The following NT5C2 variants were observed in gnomAD, a reference collection of about 807,000 sequenced individuals.
NT5C2 encodes cytosolic purine 5'-nucleotidase.
Under a neutral mutation model 76.1 loss-of-function variants are expected in NT5C2, and 58 were observed. The ratio of observed to expected loss-of-function variants is 0.76; its 90% CI spans 0.62 to 0.95. The LOEUF (loss-of-function observed/expected upper bound fraction) is 0.95. Among genes scored for constraint, NT5C2 ranks in the 40% least tolerant of loss-of-function variants. The pLI, the probability that NT5C2 is intolerant of heterozygous loss-of-function variation, is 0.00. For missense variants in NT5C2, 478 were observed against 690.3 expected, an observed-to-expected ratio of 0.69 and a Z score of 3.45; for synonymous variants, 229 against 237.4, an observed-to-expected ratio of 0.96 and a Z score of 0.32.
intron 6 of NT5C2, 71 bp downstream of exon 6, chr10:103,105,635 G>A: frequency 3.1e-6 from 3 of 976,640 alleles, no homozygotes; most frequent in Admixed American, 2.0e-5. Context: ...TATTACATCT[G>A]GGGAGATGAT....
At chr10:103,110,284 C>T (rs1240863290) in intron 4 of NT5C2, among the ~76,000 whole-genome samples, 1 of 152,072 alleles carries the variant, frequency 6.6e-6, no homozygotes, top group Non-Finnish European at 1.5e-5. Context: ...GGCGAAACCC[C>T]GTCTCTACTA....
In NT5C2 at chr10:103,139,481, T is replaced by C; in HGVS notation, c.102-2A>G. ...GCTAAACTTCGGTTCACAAACACCCTATAGAAAATAATAAAAAATAATATC... is the reference window on the plus strand; with the variant it reads ...GCTAAACTTCGGTTCACAAACACCCCATAGAAAATAATAAAAAATAATATC... On this transcript the variant is annotated splice_acceptor_variant, in intron 3 of 18. Transcript: ENST00000404739. LOFTEE classifies it high-confidence loss of function. 1 of 1,548,502 alleles carries C rather than the reference T, an allele frequency of 6.5e-7. No individual in the cohort carries two copies. The highest frequency in any genetic ancestry group is 8.8e-7 in the Non-Finnish European group (1 of 1,140,754).
chr10:103,094,112 A>ACCCC, intron 13 of NT5C2, 74 bp from the exon 14 acceptor site: 1 of 710,892 alleles, frequency 1.4e-6, no homozygotes, highest in Non-Finnish European at 2.0e-6. Context: ...CAACCCTCCC[A>ACCCC]TCCCACCCCC....
At chr10:103,153,797 G>T in intron 3 of NT5C2, 3 of 970,298 alleles carry the variant, frequency 3.1e-6, no homozygotes, top group Non-Finnish European at 3.7e-6. Flanking sequence ...AATTATTAGT[G>T]TAGTTATTTC....
intron 3 of NT5C2, among the ~76,000 whole-genome samples, chr10:103,152,494 A>G (rs2082576725): frequency 6.6e-6 from 1 of 152,186 alleles, no homozygotes; most frequent in Admixed American, 6.5e-5. Flanking sequence ...CTCTGGAACC[A>G]CTTCAAATTT....
chr10:103,151,492 G>A (rs1028702115), intron 3 of NT5C2, among the ~76,000 whole-genome samples: 2 of 149,472 alleles, frequency 1.3e-5, no homozygotes, highest in South Asian at 2.1e-4. Flanking sequence ...CTAGCCTCTC[G>A]CCATTGAATT....
rs770636501 is a variant in NT5C2, at chr10:103,174,965, T to G, written c.-7A>C. ...CACTCCAGGAGGTTGACATTTTATT[T>G]TAACTGTATTTTGTATTCTAGAAAA... On this transcript the variant is annotated 5_prime_UTR_variant, in exon 3 of 19. Transcript: ENST00000404739. 6.4e-6 allele frequency: 10 copies of G among 1,561,556 alleles called. No homozygotes were observed. Among genetic ancestry groups the G allele is most frequent in the Non-Finnish European group, 8.8e-6 (10 of 1,132,286 alleles).
chr10:103,110,567 T>C (rs1399855544), intron 4 of NT5C2, among the ~76,000 whole-genome samples: 1 of 152,210 alleles, frequency 6.6e-6, no homozygotes, highest in Non-Finnish European at 1.5e-5. Context: ...TGTTGAAACA[T>C]ACACTTCTCC....
rs2066266142 is a variant in NT5C2, at chr10:103,089,944, C to T, written c.1450-36G>A. ...AAAAGCTAGAGGCTCAGAAAGCAGG[C>T]AGAGCAAAGTAGCTACTCCCCAAAT... On this transcript the variant is annotated intron_variant, in intron 18 of 18. Transcript: ENST00000404739. 1 of 1,541,552 alleles carries T rather than the reference C, an allele frequency of 6.5e-7. No individual in the cohort carries two copies. Among genetic ancestry groups the T allele is most frequent in the Non-Finnish European group, 8.8e-7 (1 of 1,141,380 alleles).
chr10:103,159,489 G>GA (rs1591593069), intron 3 of NT5C2, among the ~76,000 whole-genome samples: 1 of 151,524 alleles, frequency 6.6e-6, no homozygotes, highest in Non-Finnish European at 1.5e-5. Context: ...CCACCAAAAA[G>GA]AAAAAAATTT....
chr10:103,132,875 AATT>A (rs934242212), intron 4 of NT5C2, among the ~76,000 whole-genome samples: 1 of 152,166 alleles, frequency 6.6e-6, no homozygotes, highest in African/African-American at 2.4e-5. Flanking sequence ...TAAAAAAAAA[AATT>A]ATGTCAAGAG....
At chr10:103,090,438 C>T (rs965323229) in intron 18 of NT5C2, among the ~76,000 whole-genome samples, 173 bp downstream of exon 18, 5 of 152,156 alleles carry the variant, frequency 3.3e-5, no homozygotes, top group African/African-American at 1.2e-4. Flanking sequence ...TCTTAACTTC[C>T]AATGTTGGTT....
At chr10:103,096,175 A>C (rs2068111087) in intron 11 of NT5C2, among the ~76,000 whole-genome samples, 195 bp from the exon 12 acceptor site, 1 of 152,226 alleles carries the variant, frequency 6.6e-6, no homozygotes, top group Non-Finnish European at 1.5e-5. Context: ...AAAAAGAAAA[A>C]AAGGCTTCTG....
intron 3 of NT5C2, among the ~76,000 whole-genome samples, chr10:103,151,456 C>A (rs1317088557): frequency 7.2e-6 from 1 of 139,678 alleles, no homozygotes. Context: ...AAGAGTGAAA[C>A]CTGTTCTTAA....
At chr10:103,163,857 A>G (rs1380639362) in intron 3 of NT5C2, among the ~76,000 whole-genome samples, 1 of 139,932 alleles carries the variant, frequency 7.1e-6, no homozygotes, top group Non-Finnish European at 1.6e-5. Context: ...TCTACTAAAA[A>G]TACAAAAAAA....
At chr10:103,183,172 A>G (rs889087895) in intron 1 of NT5C2, among the ~76,000 whole-genome samples, 1 of 151,074 alleles carries the variant, frequency 6.6e-6, no homozygotes, top group Non-Finnish European at 1.5e-5. Context: ...GCACTGTGAA[A>G]TAAGCTATAG....
intron 3 of NT5C2, among the ~76,000 whole-genome samples, chr10:103,148,126 C>T (rs192116978): frequency 1.4e-4 from 21 of 152,144 alleles, no homozygotes; most frequent in African/African-American, 4.8e-4. Context: ...AAATTCAAAG[C>T]TCAAATACCA....
Position 103,183,262 on chromosome 10 carries a change from G to GATACATATATATATAT in NT5C2, c.-168-1935_-168-1934insATATATATATATGTAT, listed in dbSNP as rs1554841573. On this transcript the variant is annotated intron_variant, in intron 1 of 18. Coordinates refer to ENST00000404739, the MANE Select transcript of NT5C2 (RefSeq NM_001351169.2). ...GAGATATATATATATGTGTGTGTGTGATATATATATATATATATATATATA... is the reference window on the plus strand; with the variant it reads ...GAGATATATATATATGTGTGTGTGTGATACATATATATATATATATATATATATATATATATATATA... Among the ~76,000 whole-genome samples the GATACATATATATATAT allele has an allele frequency of 4.1e-5, 3 of 73,374 alleles. No homozygotes were observed. In the South Asian group the frequency reaches 1.5e-3, roughly 37 times the overall value. 48.1% of individuals were successfully genotyped at this position (73,374 alleles called of 152,430 possible). A position where few individuals can be genotyped will look rare whatever the true frequency, so the allele number is the denominator to read the frequency against.
chr10:103,144,189 A>G (rs2081083957), intron 3 of NT5C2, among the ~76,000 whole-genome samples: 1 of 152,348 alleles, frequency 6.6e-6, no homozygotes, highest in East Asian at 1.9e-4. Flanking sequence ...AATTCAGGCT[A>G]GAGAGCCAAC....
Sources: gnomAD v4.1 joint callset for allele counts (sites outside exome capture counted in the v4.1 genomes callset) on GRCh38, gnomAD v4.1.1 for gene constraint, MANE v1.5 for transcripts, NCBI Gene and HGNC (gene_info 2026-07-23, HGNC 2026-07-21) for gene names.